SMARCC1: variants seen among roughly 807,000 people sequenced by gnomAD.
SMARCC1 encodes the protein SWI/SNF complex subunit SMARCC1.
A neutral mutation model predicts 147.4 loss-of-function variants in SMARCC1; 43 were observed. The ratio of observed to expected loss-of-function variants is 0.29; its 90% confidence interval spans 0.23 to 0.38. The LOEUF is 0.38. Among genes scored for constraint, SMARCC1 ranks in the 10% least tolerant of loss-of-function variants. The probability of loss-of-function intolerance (pLI) is 1.00; values close to 1 mark genes in which losing one functional copy is unlikely to be tolerated. For missense variants in SMARCC1, 1,119 were observed against 1,381.1 expected (o/e 0.81, Z 3.01); for synonymous variants, 495 against 484.4 (o/e 1.02, Z -0.29).
At chr3:47,699,471 C>T (rs1003229322) in intron 11 of SMARCC1, among the ~76,000 whole-genome samples, 12 of 152,086 alleles carry the variant, frequency 7.9e-5, no homozygotes, top group Non-Finnish European at 1.6e-4. Flanking sequence ...TACATACAGA[C>T]CAACGCTGAT....
chr3:47,766,317 G>A (rs566479407), intron 2 of SMARCC1, among the ~76,000 whole-genome samples: 1 of 152,020 alleles, frequency 6.6e-6, no homozygotes, highest in South Asian at 2.1e-4. Context: ...TGTAAACCCA[G>A]GACTTTGGGG....
intron 10 of SMARCC1, chr3:47,701,685 G>T: frequency 3.1e-6 from 1 of 326,492 alleles, no homozygotes; most frequent in Non-Finnish European, 5.7e-6. Context: ...ATGGTGGCAG[G>T]CGCCTGTAAT....
At chr3:47,759,840 C>T (rs1396754939) in intron 2 of SMARCC1, among the ~76,000 whole-genome samples, 11 of 148,330 alleles carry the variant, frequency 7.4e-5, no homozygotes, top group East Asian at 4.1e-4. Context: ...GGGAGGCTGA[C>T]GCAGGAGAAT....
At chr3:47,727,462 A>C (rs1319324685) in intron 6 of SMARCC1, among the ~76,000 whole-genome samples, 1 of 152,012 alleles carries the variant, frequency 6.6e-6, no homozygotes, top group East Asian at 1.9e-4. Flanking sequence ...AGCCGAGATC[A>C]CATGACTACA....
rs188500564 is a variant in SMARCC1 at position 47,652,419 on chromosome 3, C to A, written c.2320+8875G>T. ...ATTATATTTCCCATAGTATCTAAGA[C>A]GGAATAGTATTTTGGAGCTATTAAG... is the stretch of plus-strand genomic sequence containing the variant. On this transcript the variant is annotated intron_variant, in intron 21 of 27. Coordinates refer to ENST00000254480, the MANE Select transcript of SMARCC1 (RefSeq NM_003074.4). Among the ~76,000 whole-genome samples, 3 of 152,154 alleles carry A rather than the reference C, an allele frequency of 2.0e-5. No homozygotes were observed. In the East Asian group the frequency reaches 5.8e-4, roughly 29 times the overall value.
At chr3:47,666,805 G>T (rs1177892825) in intron 19 of SMARCC1, among the ~76,000 whole-genome samples, 1 of 152,138 alleles carries the variant, frequency 6.6e-6, no homozygotes, top group East Asian at 1.9e-4. Flanking sequence ...GCCCAGGGAA[G>T]CCAAAGATTG....
chr3:47,599,647 CCT>C (rs2032354175), intron 26 of SMARCC1, among the ~76,000 whole-genome samples: 1 of 152,144 alleles, frequency 6.6e-6, no homozygotes. Flanking sequence ...AGTGTGCACC[CCT>C]GACAATCAAG....
chr3:47,673,534 C>G (rs982543980), intron 18 of SMARCC1, among the ~76,000 whole-genome samples: 49 of 150,190 alleles, frequency 3.3e-4, no homozygotes, highest in African/African-American at 1.1e-3. Context: ...ACTAAAAATA[C>G]AAAAATTAGC....
At chr3:47,736,804 G>A (rs2034449657) in intron 4 of SMARCC1, among the ~76,000 whole-genome samples, 1 of 152,080 alleles carries the variant, frequency 6.6e-6, no homozygotes, top group Non-Finnish European at 1.5e-5. Flanking sequence ...ATATCCAATT[G>A]TTTCCCTAGC....
intron 2 of SMARCC1, among the ~76,000 whole-genome samples, chr3:47,755,633 C>T (rs371986944): frequency 7.3e-5 from 11 of 151,322 alleles, no homozygotes; most frequent in Non-Finnish European, 1.3e-4. Flanking sequence ...TCAAGGCGGG[C>T]GGATCATGAG....
Position 47,738,089 on chromosome 3 carries a change from G to A in SMARCC1, c.423C>T (p.Asn141=). The part of the protein sequence containing the change: ...EQGWRRFDLQ[N]PSRMDRNVEM... The stretch of plus-strand genomic sequence containing the variant: ...CCACATTACGATCCATTCGAGATGG[G>A]TTCTGTAGGTCAAACCTCCGCCTAA... Residue 141 remains asparagine, a synonymous_variant, in exon 4 of 28, where the codon AAC becomes AAT. Transcript: ENST00000254480. 6.3e-7 allele frequency: 1 copy of A among 1,581,944 alleles called. No individual in the cohort carries two copies. Among genetic ancestry groups the A allele is most frequent in the African/African-American group, 1.4e-5 (1 of 73,130 alleles).
At chr3:47,590,565 T>C in intron 27 of SMARCC1, 96 bp downstream of exon 27, 1 of 1,105,224 alleles carries the variant, frequency 9.0e-7, no homozygotes, top group Non-Finnish European at 1.2e-6. Context: ...TCCATGGACC[T>C]GCCAAATCTC....
intron 21 of SMARCC1, among the ~76,000 whole-genome samples, chr3:47,656,214 A>G (rs187744570): frequency 6.6e-6 from 1 of 152,320 alleles, no homozygotes; most frequent in East Asian, 1.9e-4. Context: ...CCATTTCAAA[A>G]AAAAAGCCTC....
At chr3:47,664,070 C>A in intron 19 of SMARCC1, 1 of 488,334 alleles carries the variant, frequency 2.0e-6, no homozygotes, top group East Asian at 3.3e-5. Context: ...TGACCCTTTG[C>A]GTAACTGTAA....
chr3:47,588,732 C>T (rs1481622435), intron 27 of SMARCC1, among the ~76,000 whole-genome samples: 6 of 127,510 alleles, frequency 4.7e-5, no homozygotes, highest in Non-Finnish European at 6.4e-5. Flanking sequence ...AGTCCCTAGC[C>T]TAGCTGGGCA....
rs1296077985 is a variant in SMARCC1, at chr3:47,590,753, G to A, written c.3128C>T (p.Pro1043Leu). 10 of 1,604,752 alleles carry A rather than the reference G, an allele frequency of 6.2e-6. No individual in the cohort carries two copies. Among genetic ancestry groups the A allele is most frequent in the African/African-American group, 1.3e-5 (1 of 74,374 alleles). The change falls in exon 27 of 28, where the codon CCC becomes CTC. Residue 1043 changes from proline to leucine, a missense_variant. This residue lies in a region of SMARCC1 where 186 missense variants were observed against 216.5 expected (regional missense o/e 0.86). Transcript: ENST00000254480. ...AGGAGGGGTAGGGCCACTCCCAGAGGGGTGGATGTTGGCTGCAACAGTGGG... is the reference window on the plus strand; with the variant it reads ...AGGAGGGGTAGGGCCACTCCCAGAGAGGTGGATGTTGGCTGCAACAGTGGG... ...MIPTVAANIH[P>L]SGSGPTPPGM...
Position 47,706,488 on chromosome 3 carries a change from T to C in SMARCC1, c.961A>G (p.Asn321Asp). 1 of 1,583,346 alleles carries C rather than the reference T, an allele frequency of 6.3e-7. No individual in the cohort carries two copies. Among genetic ancestry groups the C allele is most frequent in the Non-Finnish European group, 8.6e-7 (1 of 1,168,380 alleles). The change falls in exon 10 of 28, where the codon AAT becomes GAT. Residue 321 changes from asparagine (N) to aspartate (D), a missense_variant. Asn to Asp is a conservative substitution (Grantham distance 23). Transcript: ENST00000254480. ...PERRDRKASA[N>D]ARKRKHSPSP... ...GGCGAATGTTTCCTCTTTCGAGCAT[T>C]AGCTGATGCTTTTCTATCTCTTCTT...
At chr3:47,619,107 C>T (rs1303276001) in intron 25 of SMARCC1, among the ~76,000 whole-genome samples, 3 of 152,178 alleles carry the variant, frequency 2.0e-5, no homozygotes, top group Admixed American at 1.3e-4. Context: ...GCCTGTAGGA[C>T]GTTTTCTCTG....
intron 9 of SMARCC1, 57 bp from the exon 10 acceptor site, chr3:47,706,587 A>T: frequency 6.9e-7 from 1 of 1,448,512 alleles, no homozygotes; most frequent in African/African-American, 1.5e-5. Flanking sequence ...AGTTTCTACA[A>T]ATCCTTGGCA....
Sources: allele counts gnomAD v4.1 joint callset (sites outside exome capture counted in the v4.1 genomes callset), GRCh38; gene constraint gnomAD v4.1.1; regional missense constraint gnomAD v4.1.1; transcripts MANE v1.5; gene names NCBI Gene and HGNC (gene_info 2026-07-23, HGNC 2026-07-21).